The following FBXW11 variants were observed in gnomAD, a reference collection of about 807,000 sequenced individuals.
The protein encoded by FBXW11 is F-box/WD repeat-containing protein 11.
In FBXW11, 19 loss-of-function variants were observed where a neutral mutation model predicts 77.6. The ratio of observed to expected loss-of-function variants is 0.24; its 90% CI spans 0.17 to 0.36. FBXW11 has a LOEUF of 0.36. FBXW11 is among the 10% of genes least tolerant of loss of function. The pLI is 1.00. For synonymous variants in FBXW11, 235 were observed against 249.4 expected (o/e 0.94, Z 0.54); for missense variants, 334 against 704.2 (o/e 0.47, Z 5.95).
Position 171,910,095 on chromosome 5 carries a change from C to T in FBXW11, c.436+477G>A, listed in dbSNP as rs565767861. ...TTTTTTTTTTTTTGAGACAGAGTCT[C>T]GCTCTTGTTACCCAGGCTGGAGTGC... is the stretch of plus-strand genomic sequence containing the variant. On this transcript the variant is annotated intron_variant, in intron 4 of 13. Coordinates refer to ENST00000517395, the MANE Select transcript of FBXW11 (RefSeq NM_001378974.1). 2.2e-3 allele frequency among the ~76,000 whole-genome samples: 318 copies of T among 145,472 alleles called. 5 individuals carry two copies. The Middle Eastern group carries it at 0.028, about 13-fold the overall frequency.
intron 2 of FBXW11, among the ~76,000 whole-genome samples, chr5:171,921,226 T>C (rs1330974294): frequency 6.6e-6 from 1 of 152,196 alleles, no homozygotes; most frequent in East Asian, 1.9e-4. Flanking sequence ...TTAGTTTATG[T>C]ATAGGTACAA....
intron 1 of FBXW11, among the ~76,000 whole-genome samples, chr5:172,000,109 A>C (rs77693861): frequency 0.044 from 6,677 of 151,760 alleles, 349 homozygotes; most frequent in African/African-American, 0.13. Context: ...AAGGGTAACG[A>C]GCACATTCTT....
intron 2 of FBXW11, among the ~76,000 whole-genome samples, chr5:171,922,900 TGTGTGC>T (rs959531122): frequency 1.7e-4 from 26 of 151,936 alleles, no homozygotes; most frequent in African/African-American, 6.0e-4. Flanking sequence ...ACCAATCGTG[TGTGTGC>T]GTGTGTGTGT....
chr5:171,997,068 A>G, intron 1 of FBXW11: 1 of 1,289,876 alleles, frequency 7.8e-7, no homozygotes, highest in South Asian at 1.2e-5. Flanking sequence ...AAAGACAGAA[A>G]GCAATCCATA....
chr5:171,946,248 T>A (rs189249484), intron 2 of FBXW11, among the ~76,000 whole-genome samples: 1 of 152,304 alleles, frequency 6.6e-6, no homozygotes, highest in Admixed American at 6.5e-5. Context: ...TCCTAAAATA[T>A]CTATCTACTA....
intron 1 of FBXW11, among the ~76,000 whole-genome samples, chr5:171,968,179 G>A (rs1463840376): frequency 2.6e-5 from 4 of 152,030 alleles, no homozygotes; most frequent in East Asian, 1.9e-4. Context: ...TTTGGTTGCC[G>A]GGCGCAGTGG....
At chr5:171,930,390 A>G (rs1014607370) in intron 2 of FBXW11, among the ~76,000 whole-genome samples, 4 of 152,276 alleles carry the variant, frequency 2.6e-5, no homozygotes, top group African/African-American at 9.6e-5. Context: ...CCCTCTCAAC[A>G]CTGGTTTTCA....
chr5:171,923,970 G>A (rs920539302), intron 2 of FBXW11, among the ~76,000 whole-genome samples: 2 of 137,732 alleles, frequency 1.5e-5, no homozygotes, highest in Admixed American at 1.6e-4. Flanking sequence ...CTGTTGCCCA[G>A]GCTGGAGTGC....
intron 1 of FBXW11, among the ~76,000 whole-genome samples, chr5:171,961,025 T>A (rs911669771): frequency 6.6e-6 from 1 of 152,230 alleles, no homozygotes; most frequent in African/African-American, 2.4e-5. Context: ...GACATCATGC[T>A]AAATACTTTA....
At chr5:171,940,220 G>A (rs1483477995) in intron 2 of FBXW11, among the ~76,000 whole-genome samples, 6 of 152,234 alleles carry the variant, frequency 3.9e-5, no homozygotes, top group East Asian at 1.9e-4. Flanking sequence ...TTAGAGAAGC[G>A]AGTACTAAAT....
intron 2 of FBXW11, among the ~76,000 whole-genome samples, chr5:171,918,842 A>C (rs1761413952): frequency 6.6e-6 from 1 of 152,184 alleles, no homozygotes; most frequent in African/African-American, 2.4e-5. Context: ...GAACTGTGAG[A>C]ATCAAAAATG....
At chr5:171,951,334 G>A (rs1763301992) in intron 2 of FBXW11, among the ~76,000 whole-genome samples, 1 of 152,042 alleles carries the variant, frequency 6.6e-6, no homozygotes, top group South Asian at 2.1e-4. Flanking sequence ...CCAGAAGTTT[G>A]AGACCAGCCT....
chr5:171,997,357 T>C (rs1766117438), intron 1 of FBXW11, among the ~76,000 whole-genome samples: 2 of 152,234 alleles, frequency 1.3e-5, no homozygotes, highest in South Asian at 2.1e-4. Flanking sequence ...TCCATATAAA[T>C]TGTCCTAGAC....
At chr5:171,948,240 A>C (rs1413470196) in intron 2 of FBXW11, among the ~76,000 whole-genome samples, 2 of 151,684 alleles carry the variant, frequency 1.3e-5, no homozygotes, top group Non-Finnish European at 2.9e-5. Flanking sequence ...AACTCAAAAA[A>C]AAAAAAAAAA....
At chr5:171,866,041 G>A (rs765322769) in intron 13 of FBXW11, among the ~76,000 whole-genome samples, 82 of 152,286 alleles carry the variant, frequency 5.4e-4, no homozygotes, top group Non-Finnish European at 9.3e-4. Flanking sequence ...GAGGCGGGCA[G>A]ATCAATTGAG....
chr5:171,895,696 C>T (rs752193490), intron 6 of FBXW11, among the ~76,000 whole-genome samples: 12 of 152,162 alleles, frequency 7.9e-5, no homozygotes, highest in East Asian at 1.9e-4. Flanking sequence ...ATTGGGGGCA[C>T]GCTAGAGTGA....
intron 7 of FBXW11, among the ~76,000 whole-genome samples, chr5:171,884,242 C>G (rs1431243981): frequency 6.6e-6 from 1 of 152,222 alleles, no homozygotes; most frequent in African/African-American, 2.4e-5. Flanking sequence ...GATCCAGTTT[C>G]ATTCTCCTGT....
intron 1 of FBXW11, among the ~76,000 whole-genome samples, chr5:172,000,378 G>A (rs928952359): frequency 6.6e-6 from 1 of 152,120 alleles, no homozygotes; most frequent in Non-Finnish European, 1.5e-5. Context: ...AATAGGACTG[G>A]GTGGGTTCTC....
chr5:171,965,908 C>T (rs1451877300), intron 1 of FBXW11, among the ~76,000 whole-genome samples: 1 of 151,990 alleles, frequency 6.6e-6, no homozygotes, highest in Non-Finnish European at 1.5e-5. Context: ...GGTAGACGTC[C>T]CCCTTGCTGT....
Sources: gnomAD v4.1 joint callset for allele counts (sites outside exome capture counted in the v4.1 genomes callset) on GRCh38, gnomAD v4.1.1 for gene constraint, MANE v1.5 for transcripts, NCBI Gene and HGNC (gene_info 2026-07-23, HGNC 2026-07-21) for gene names.